TRAPPC9: variants seen among roughly 807,000 people sequenced by gnomAD.
TRAPPC9 encodes the protein trafficking protein particle complex subunit 9.
TRAPPC9 carries 83 observed loss-of-function variants against 124.0 expected under a neutral mutation model. The observed-to-expected ratio is 0.67, with a 90% CI of 0.56 to 0.80. The LOEUF (loss-of-function observed/expected upper bound fraction) is 0.80, where lower values mean the gene tolerates loss of function less well. Among genes scored for constraint, TRAPPC9 ranks in the 30% least tolerant of loss-of-function variants. The probability of loss-of-function intolerance (pLI) is 0.00; values close to 1 mark genes in which losing one functional copy is unlikely to be tolerated. For synonymous variants in TRAPPC9, 638 were observed against 617.5 expected (o/e 1.03, Z -0.49); for missense variants, 1,302 against 1,508.3 (o/e 0.86, Z 2.27).
chr8:140,285,176 C>G (rs1283802396), intron 13 of TRAPPC9, among the ~76,000 whole-genome samples: 1 of 152,218 alleles, frequency 6.6e-6, no homozygotes, highest in Non-Finnish European at 1.5e-5. Context: ...ACTCACTAGT[C>G]TGGACCCAGG....
intron 21 of TRAPPC9, among the ~76,000 whole-genome samples, chr8:139,761,461 C>T (rs957620682): frequency 1.3e-5 from 2 of 152,140 alleles, no homozygotes; most frequent in African/African-American, 4.8e-5. Flanking sequence ...GAGTTCTGGG[C>T]GGGAAAGTGA....
chr8:139,899,219 C>T (rs542072339), intron 20 of TRAPPC9, among the ~76,000 whole-genome samples: 57 of 151,790 alleles, frequency 3.8e-4, no homozygotes, highest in African/African-American at 1.0e-3. Flanking sequence ...GGGTGTCTAC[C>T]GCCTACACAG....
rs117120879 is a variant in TRAPPC9, at chr8:140,371,994, C to T, written c.1135-814G>A. ...CTGGGATTACAGGTGTGAGCCACCA[C>T]GCCCAGCCAACAACTTCTGTTTCTT... On this transcript the variant is annotated intron_variant, in intron 7 of 22. Transcript: ENST00000438773. Among the ~76,000 whole-genome samples the T allele has an allele frequency of 8.1e-3, 1,227 of 152,354 alleles. 6 individuals are homozygous for T. Among genetic ancestry groups the T allele is most frequent in the Non-Finnish European group, 0.014 (983 of 68,034 alleles).
At chr8:139,792,796 GTGCTGC>G (rs1270419897) in intron 21 of TRAPPC9, among the ~76,000 whole-genome samples, 1 of 152,258 alleles carries the variant, frequency 6.6e-6, no homozygotes, top group East Asian at 1.9e-4. Flanking sequence ...TGGAGCAATA[GTGCTGC>G]TATCTAGTCA....
chr8:139,963,319 C>T (rs920948087), intron 19 of TRAPPC9, among the ~76,000 whole-genome samples: 6 of 152,122 alleles, frequency 3.9e-5, no homozygotes, highest in Non-Finnish European at 5.9e-5. Flanking sequence ...GCCCGGGCTA[C>T]GGAAACAGCA....
Position 139,985,559 on chromosome 8 carries a change from C to T in TRAPPC9, c.2810+3167G>A, listed in dbSNP as rs548038206. 1.5e-4 allele frequency among the ~76,000 whole-genome samples: 23 copies of T among 152,252 alleles called. No individual in the cohort carries two copies. In the East Asian group the frequency reaches 1.7e-3, roughly 12 times the overall value. On this transcript the variant is annotated intron_variant, in intron 19 of 22. Coordinates refer to ENST00000438773, the MANE Select transcript of TRAPPC9 (RefSeq NM_001160372.4). The stretch of plus-strand genomic sequence containing the variant: ...CACACAGAAGCATACACCAGCCCCA[C>T]GCGCATACCCACACCCAAGTGACAA...
At chr8:140,005,069 G>C (rs1031086243) in intron 18 of TRAPPC9, among the ~76,000 whole-genome samples, 2 of 152,088 alleles carry the variant, frequency 1.3e-5, no homozygotes, top group African/African-American at 4.8e-5. Context: ...AGAAAACAAA[G>C]AACAAAGAAT....
intron 19 of TRAPPC9, among the ~76,000 whole-genome samples, chr8:139,928,239 C>A (rs964936238): frequency 9.2e-5 from 14 of 152,188 alleles, no homozygotes; most frequent in Non-Finnish European, 1.3e-4. Flanking sequence ...TGCCTATAAT[C>A]CCAGCACTTT....
intron 18 of TRAPPC9, among the ~76,000 whole-genome samples, chr8:139,991,627 G>T (rs1471813964): frequency 6.6e-6 from 1 of 151,566 alleles, no homozygotes; most frequent in Admixed American, 6.6e-5. Context: ...TGAAGTATGG[G>T]GAAATCCAAG....
chr8:139,814,028 T>C (rs1329335462), intron 21 of TRAPPC9, among the ~76,000 whole-genome samples: 1 of 152,192 alleles, frequency 6.6e-6, no homozygotes, highest in Non-Finnish European at 1.5e-5. Flanking sequence ...TCAGTCCAGC[T>C]GACTCAAAAG....
At chr8:140,003,854 T>C (rs562733466) in intron 18 of TRAPPC9, among the ~76,000 whole-genome samples, 9 of 152,346 alleles carry the variant, frequency 5.9e-5, no homozygotes, top group Admixed American at 3.3e-4. Context: ...GGTATTAAAC[T>C]AGAGAATTGA....
chr8:140,439,116 G>C lies in TRAPPC9; in HGVS notation c.666C>G (p.Ser222=), dbSNP rs761386493. 12 of 1,614,044 alleles carry C rather than the reference G, an allele frequency of 7.4e-6. No individual in the cohort carries two copies. Among genetic ancestry groups the C allele is most frequent in the Non-Finnish European group, 9.3e-6 (11 of 1,180,046 alleles). ...LCLQAGMLQD[S]LVHYHMSVEL... ...CCACCGACATGTGGTAATGCACCAGGGAGTCCTGCAGCATCCCTGCCTGCA... is the reference window on the plus strand; with the variant it reads ...CCACCGACATGTGGTAATGCACCAGCGAGTCCTGCAGCATCCCTGCCTGCA... The change falls in exon 3 of 23, where the codon TCC becomes TCG. Residue 222 remains serine (S), a synonymous_variant. Coordinates refer to ENST00000438773, the MANE Select transcript of TRAPPC9 (RefSeq NM_001160372.4).
intron 17 of TRAPPC9, among the ~76,000 whole-genome samples, chr8:140,130,557 G>C (rs2061189266): frequency 1.3e-5 from 2 of 152,210 alleles, no homozygotes; most frequent in African/African-American, 4.8e-5. Context: ...AAAGCCTGAG[G>C]AATGCTCCAG....
At chr8:140,012,980 T>C (rs976119134) in intron 18 of TRAPPC9, among the ~76,000 whole-genome samples, 1 of 152,092 alleles carries the variant, frequency 6.6e-6, no homozygotes, top group African/African-American at 2.4e-5. Flanking sequence ...GTGTGCTCAA[T>C]AACCATCCAG....
At position 139,731,140 on chromosome 8, in the gene TRAPPC9, T is replaced by C; in HGVS notation, c.3368A>G (p.Asp1123Gly). The C allele has an allele frequency of 5.0e-6, 8 of 1,613,942 alleles. No homozygotes were observed. The highest frequency in any genetic ancestry group is 5.1e-6 in the Non-Finnish European group (6 of 1,179,990). The change falls in exon 23 of 23, where the codon GAC becomes GGC. Residue 1123 changes from aspartate to glycine, a missense_variant. Around this residue, in one of 3 missense-constraint regions of TRAPPC9, gnomAD observed 640 missense variants for 679.3 expected, o/e 0.94. Coordinates refer to ENST00000438773, the MANE Select transcript of TRAPPC9 (RefSeq NM_001160372.4). ...DFFLHIRFHE[D>G]STSKELPPSW... is the part of the protein sequence containing the mutation. ...GGGTGGCAGCTCCTTGCTGGTGCTG[T>C]CCTCGTGGAACCGGATGTGGAGGAA...
At chr8:140,150,822 C>CCA (rs1269184801) in intron 17 of TRAPPC9, among the ~76,000 whole-genome samples, 1 of 151,326 alleles carries the variant, frequency 6.6e-6, no homozygotes, top group Non-Finnish European at 1.5e-5. Flanking sequence ...GCTCGGCCAC[C>CCA]CCTCTGTCAC....
At position 140,376,603 on chromosome 8, in the gene TRAPPC9, A is replaced by ATGTGG. The variant is rs1173069720; in HGVS notation, c.1135-5424_1135-5423insCCACA. Among the ~76,000 whole-genome samples the ATGTGG allele has an allele frequency of 4.6e-4, 69 of 150,844 alleles. 2 individuals carry two copies. Among genetic ancestry groups the ATGTGG allele is most frequent in the Non-Finnish European group, 5.8e-4 (39 of 67,688 alleles). ...AGAATCACAGTGTTGAGGCCAGGCA[A>ATGTGG]CGTGGCTCATGCCGATAATCTCAGC... On this transcript the variant is annotated intron_variant, in intron 7 of 22. Coordinates refer to ENST00000438773, the MANE Select transcript of TRAPPC9 (RefSeq NM_001160372.4).
chr8:140,027,470 A>G (rs1022606135), intron 17 of TRAPPC9, among the ~76,000 whole-genome samples: 3 of 152,214 alleles, frequency 2.0e-5, no homozygotes, highest in African/African-American at 7.2e-5. Flanking sequence ...AAAAGAAATC[A>G]CCTGGGGAAT....
intron 15 of TRAPPC9, among the ~76,000 whole-genome samples, chr8:140,270,818 G>A (rs928665307): frequency 3.0e-4 from 45 of 152,202 alleles, no homozygotes; most frequent in African/African-American, 9.2e-4. Flanking sequence ...ACAGCAATGC[G>A]ACTCCAGCTG....
Sources: gnomAD v4.1 joint callset for allele counts (sites outside exome capture counted in the v4.1 genomes callset) on GRCh38, gnomAD v4.1.1 for gene constraint, gnomAD v4.1.1 regional missense constraint, MANE v1.5 for transcripts, NCBI Gene and HGNC (gene_info 2026-07-23, HGNC 2026-07-21) for gene names.